The following PXDNL variants were observed in gnomAD, a reference collection of about 807,000 sequenced individuals.
PXDNL encodes the protein probable oxidoreductase PXDNL.
PXDNL carries 145 observed loss-of-function variants against 150.8 expected under a neutral mutation model. The observed-to-expected ratio is 0.96, with a 90% CI of 0.84 to 1.10. PXDNL has a LOEUF of 1.10. Among genes scored for constraint, PXDNL ranks in the 50% least tolerant of loss-of-function variants. PXDNL has a pLI of 0.00. For synonymous variants in PXDNL, 757 were observed against 725.7 expected (o/e 1.04, Z -0.69); for missense variants, 2,087 against 1,873.9 (o/e 1.11, Z -2.10).
chr8:51,696,988 G>T (rs1816162454), intron 1 of PXDNL, among the ~76,000 whole-genome samples: 1 of 152,160 alleles, frequency 6.6e-6, no homozygotes, highest in African/African-American at 2.4e-5. Flanking sequence ...GGTGAAGAAA[G>T]CTTTTTAGAT....
chr8:51,585,330 G>T (rs1362265714), intron 3 of PXDNL, among the ~76,000 whole-genome samples: 1 of 152,096 alleles, frequency 6.6e-6, no homozygotes, highest in Non-Finnish European at 1.5e-5. Context: ...CATAATGACT[G>T]AAACCATGGA....
chr8:51,772,322 C>CT (rs2037307746), intron 1 of PXDNL, among the ~76,000 whole-genome samples: 1 of 151,966 alleles, frequency 6.6e-6, no homozygotes, highest in African/African-American at 2.4e-5. Flanking sequence ...TCTTTTCTGG[C>CT]TGGATACCTG....
At chr8:51,610,454 G>A (rs914227364) in intron 2 of PXDNL, among the ~76,000 whole-genome samples, 1 of 152,150 alleles carries the variant, frequency 6.6e-6, no homozygotes, top group East Asian at 1.9e-4. Flanking sequence ...AGTATTAATA[G>A]ATAGACCTTT....
chr8:51,726,322 C>G (rs913480240), intron 1 of PXDNL, among the ~76,000 whole-genome samples: 1 of 152,204 alleles, frequency 6.6e-6, no homozygotes, highest in Non-Finnish European at 1.5e-5. Flanking sequence ...CACGCCGGCT[C>G]TATGCCAGCT....
At chr8:51,741,142 C>G (rs1159509608) in intron 1 of PXDNL, among the ~76,000 whole-genome samples, 1 of 152,124 alleles carries the variant, frequency 6.6e-6, no homozygotes, top group Non-Finnish European at 1.5e-5. Flanking sequence ...CTATTTATTA[C>G]TGCCTCAATT....
chr8:51,464,818 T>C (rs905980312), intron 8 of PXDNL, among the ~76,000 whole-genome samples: 1 of 152,158 alleles, frequency 6.6e-6, no homozygotes, highest in African/African-American at 2.4e-5. Context: ...TATACTTATG[T>C]AACAAACCTG....
chr8:51,511,362 C>T (rs13273278), intron 4 of PXDNL, among the ~76,000 whole-genome samples: 55,567 of 151,994 alleles, frequency 0.37, 11,269 homozygotes, highest in African/African-American at 0.54. Context: ...CAGTATTTGG[C>T]CTCCTTCCCT....
intron 1 of PXDNL, among the ~76,000 whole-genome samples, chr8:51,655,240 A>G (rs571283843): frequency 6.6e-6 from 1 of 152,360 alleles, no homozygotes; most frequent in Admixed American, 6.5e-5. Context: ...TCTACAAAGT[A>G]TTAAATCAAC....
chr8:51,476,981 T>C (rs1199251745), intron 6 of PXDNL, among the ~76,000 whole-genome samples: 1 of 152,160 alleles, frequency 6.6e-6, no homozygotes, highest in African/African-American at 2.4e-5. Flanking sequence ...AGATACCAAT[T>C]TGCAAATAAA....
intron 4 of PXDNL, among the ~76,000 whole-genome samples, chr8:51,540,452 A>G (rs992900833): frequency 2.0e-5 from 3 of 152,102 alleles, no homozygotes; most frequent in Admixed American, 1.3e-4. Context: ...TCTGTTTGAG[A>G]TATTTAACTT....
chr8:51,705,506 G>T (rs1032973462), intron 1 of PXDNL, among the ~76,000 whole-genome samples: 1 of 152,316 alleles, frequency 6.6e-6, no homozygotes, highest in South Asian at 2.1e-4. Context: ...ACTTGTACTG[G>T]CTAACTCTGA....
intron 1 of PXDNL, among the ~76,000 whole-genome samples, chr8:51,678,611 G>A (rs1343520658): frequency 1.0e-4 from 15 of 149,024 alleles, no homozygotes; most frequent in Non-Finnish European, 1.5e-4. Context: ...GTAAACTATC[G>A]CAAGAACAAA....
chr8:51,346,712 G>C (rs6985579), intron 19 of PXDNL, among the ~76,000 whole-genome samples: 4,604 of 152,066 alleles, frequency 0.03, 222 homozygotes, highest in African/African-American at 0.1. Flanking sequence ...GGGACCTCCC[G>C]TACTCTCTTG....
intron 17 of PXDNL, among the ~76,000 whole-genome samples, chr8:51,376,971 G>C (rs1807336453): frequency 6.6e-6 from 1 of 152,070 alleles, no homozygotes; most frequent in African/African-American, 2.4e-5. Context: ...ACCCTCCTCA[G>C]CCTCCCAAAG....
At chr8:51,483,908 T>C (rs959698416) in intron 5 of PXDNL, among the ~76,000 whole-genome samples, 194 bp from the exon 6 acceptor site, 4 of 152,194 alleles carry the variant, frequency 2.6e-5, no homozygotes, top group Non-Finnish European at 5.9e-5. Context: ...ACCACTACTA[T>C]ATGGGTATTT....
intron 2 of PXDNL, among the ~76,000 whole-genome samples, chr8:51,636,217 G>C (rs1184052413): frequency 6.6e-6 from 1 of 151,918 alleles, no homozygotes; most frequent in Admixed American, 6.6e-5. Flanking sequence ...ACATAATAAA[G>C]GACATTTATT....
intron 1 of PXDNL, among the ~76,000 whole-genome samples, chr8:51,797,086 C>CA (rs2037569127): frequency 6.6e-6 from 1 of 152,136 alleles, no homozygotes. Flanking sequence ...ATGATTATCT[C>CA]AATAGACACA....
At chr8:51,731,748 G>A (rs1585707821) in intron 1 of PXDNL, among the ~76,000 whole-genome samples, 1 of 152,204 alleles carries the variant, frequency 6.6e-6, no homozygotes, top group East Asian at 1.9e-4. Flanking sequence ...GGACTCACAT[G>A]CTCAACACCA....
Position 51,408,657 on chromosome 8 carries a change from G to A in PXDNL, c.2967C>T (p.Asn989=), listed in dbSNP as rs780416419. Residue 989 remains asparagine, a synonymous_variant, in exon 17 of 23, where the codon AAC becomes AAT. Coordinates refer to ENST00000356297, the MANE Select transcript of PXDNL (RefSeq NM_144651.5). ...NRMATELSAL[N]PHWEGNTVYQ... ...AAACCGTGTTTCCCTCCCAGTGGGG[G>A]TTCAGGGCGGACAGCTCCGTGGCCA... The A allele has an allele frequency of 6.9e-6, 11 of 1,604,486 alleles. No individual in the cohort carries two copies. The highest frequency in any genetic ancestry group is 9.4e-6 in the Non-Finnish European group (11 of 1,175,350).
Sources: allele counts gnomAD v4.1 joint callset (sites outside exome capture counted in the v4.1 genomes callset), GRCh38; gene constraint gnomAD v4.1.1; transcripts MANE v1.5; gene names NCBI Gene and HGNC (gene_info 2026-07-23, HGNC 2026-07-21).